PTPRK: variants seen among roughly 807,000 people sequenced by gnomAD.
The protein encoded by PTPRK is receptor-type tyrosine-protein phosphatase kappa.
PTPRK carries 75 observed loss-of-function variants against 178.0 expected under a neutral mutation model. That is an observed-to-expected ratio of 0.42 (90% CI 0.35 to 0.51). The LOEUF is 0.51. Ranked by LOEUF, PTPRK falls within the 20% of genes least tolerant of loss-of-function variation. The pLI is 0.02. For synonymous variants in PTPRK, 637 were observed against 620.6 expected (o/e 1.03, Z -0.39); for missense variants, 1,441 against 1,797.8 (o/e 0.80, Z 3.59).
At chr6:128,432,383 G>A (rs1844947844) in intron 1 of PTPRK, among the ~76,000 whole-genome samples, 1 of 152,206 alleles carries the variant, frequency 6.6e-6, no homozygotes, top group Non-Finnish European at 1.5e-5. Flanking sequence ...ATAATAGAGA[G>A]AAGTTCCTAG....
intron 1 of PTPRK, among the ~76,000 whole-genome samples, chr6:128,427,964 G>A (rs1402608939): frequency 6.6e-6 from 1 of 152,018 alleles, no homozygotes; most frequent in African/African-American, 2.4e-5. Flanking sequence ...ATGGTGGTGG[G>A]TGCCTGTGGT....
chr6:128,159,667 C>T (rs1583272152), intron 7 of PTPRK, among the ~76,000 whole-genome samples: 1 of 151,604 alleles, frequency 6.6e-6, no homozygotes, highest in Non-Finnish European at 1.5e-5. Flanking sequence ...ATTTGCAACT[C>T]TTGTATTTAA....
intron 2 of PTPRK, among the ~76,000 whole-genome samples, chr6:128,389,290 T>C (rs1322502945): frequency 6.6e-6 from 1 of 151,968 alleles, no homozygotes; most frequent in Non-Finnish European, 1.5e-5. Context: ...GATAATCTAA[T>C]ATATAATCAT....
At chr6:128,028,199 T>C (rs1774657481) in intron 13 of PTPRK, among the ~76,000 whole-genome samples, 1 of 152,096 alleles carries the variant, frequency 6.6e-6, no homozygotes, top group African/African-American at 2.4e-5. Context: ...CATGGTAAAA[T>C]AGTAACTACA....
chr6:128,226,633 A>T (rs1195062372), intron 5 of PTPRK, among the ~76,000 whole-genome samples: 1 of 151,964 alleles, frequency 6.6e-6, no homozygotes, highest in Non-Finnish European at 1.5e-5. Flanking sequence ...GCCCTCCCCA[A>T]GGGCTTGCCC....
At chr6:128,337,921 G>C (rs1048215110) in intron 2 of PTPRK, among the ~76,000 whole-genome samples, 2 of 152,170 alleles carry the variant, frequency 1.3e-5, no homozygotes, top group African/African-American at 4.8e-5. Context: ...GGACCTAGAA[G>C]AGGGCCAAGT....
intron 10 of PTPRK, among the ~76,000 whole-genome samples, chr6:128,080,583 A>G (rs1217125528): frequency 6.6e-6 from 1 of 152,058 alleles, no homozygotes; most frequent in Non-Finnish European, 1.5e-5. Context: ...AATTTAATAC[A>G]TGCACAATAT....
At chr6:128,191,457 A>G (rs980259842) in intron 6 of PTPRK, among the ~76,000 whole-genome samples, 2 of 152,060 alleles carry the variant, frequency 1.3e-5, no homozygotes, top group African/African-American at 4.8e-5. Flanking sequence ...TTCAAAGTGT[A>G]CAGAATTTGT....
intron 6 of PTPRK, among the ~76,000 whole-genome samples, chr6:128,191,805 T>C (rs1583411707): frequency 6.6e-6 from 1 of 152,196 alleles, no homozygotes; most frequent in East Asian, 1.9e-4. Flanking sequence ...TTAACAATGC[T>C]GAAAATAATA....
intron 1 of PTPRK, among the ~76,000 whole-genome samples, chr6:128,455,188 G>C (rs1228324552): frequency 2.0e-5 from 3 of 151,982 alleles, no homozygotes; most frequent in Non-Finnish European, 4.4e-5. Context: ...AATTCAAACA[G>C]GTGTTGCCCA....
chr6:128,079,812 T>C (rs188436257), intron 10 of PTPRK, among the ~76,000 whole-genome samples: 1 of 152,168 alleles, frequency 6.6e-6, no homozygotes, highest in East Asian at 1.9e-4. Context: ...CAAAAAATTA[T>C]AGCAAAATGT....
At chr6:127,980,167 G>A (rs151241424) in intron 25 of PTPRK, among the ~76,000 whole-genome samples, 2,702 of 152,240 alleles carry the variant, frequency 0.018, 24 homozygotes, top group Non-Finnish European at 0.028. Flanking sequence ...AAAATTAGCC[G>A]TGCATGGTGG....
chr6:128,464,674 T>TATATATATATATATATAA, intron 1 of PTPRK, among the ~76,000 whole-genome samples: 1 of 124,758 alleles, frequency 8.0e-6, no homozygotes, highest in Admixed American at 8.0e-5. Context: ...TATATATATA[T>TATATATATATATATATAA]ACAACAGATG....
intron 7 of PTPRK, among the ~76,000 whole-genome samples, chr6:128,164,241 A>T (rs1298250939): frequency 1.3e-5 from 2 of 151,502 alleles, no homozygotes; most frequent in East Asian, 3.9e-4. Context: ...AGATAAAGGT[A>T]ACACTGAGAC....
intron 2 of PTPRK, among the ~76,000 whole-genome samples, chr6:128,384,658 T>C (rs1031574048): frequency 9.9e-5 from 15 of 152,250 alleles, no homozygotes; most frequent in African/African-American, 3.6e-4. Flanking sequence ...AAGTTTAGAG[T>C]AACTACAAAT....
chr6:128,403,512 AAC>A (rs1841286879), intron 1 of PTPRK, among the ~76,000 whole-genome samples: 1 of 152,154 alleles, frequency 6.6e-6, no homozygotes, highest in Non-Finnish European at 1.5e-5. Context: ...TCAAAATAAT[AAC>A]AGTTATAGCA....
intron 2 of PTPRK, among the ~76,000 whole-genome samples, chr6:128,353,878 G>C (rs1833539385): frequency 6.6e-6 from 1 of 152,106 alleles, no homozygotes; most frequent in Admixed American, 6.6e-5. Flanking sequence ...TATAAAACTG[G>C]TAAATTCTGA....
At chr6:128,104,769 G>T (rs1230806772) in intron 7 of PTPRK, among the ~76,000 whole-genome samples, 1 of 152,160 alleles carries the variant, frequency 6.6e-6, no homozygotes. Flanking sequence ...ACTGACCAGG[G>T]TAATGCTCTA....
rs151114337 is a variant in PTPRK at position 128,072,071 on chromosome 6, T to G, written c.1884-4279A>C. Among the ~76,000 whole-genome samples, 390 of 152,138 alleles carry G rather than the reference T, an allele frequency of 2.6e-3. 1 individual carries two copies. The highest frequency in any genetic ancestry group is 8.8e-3 in the African/African-American group (364 of 41,570). ...AGATCTAAATATTAGGTGAGCTCAG[T>G]ACTTTAGTAATTAAAACTATTCCAA... On this transcript the variant is annotated intron_variant, in intron 11 of 29. Coordinates refer to ENST00000368226, the MANE Select transcript of PTPRK (RefSeq NM_002844.4).
Sources: allele counts gnomAD v4.1 joint callset (sites outside exome capture counted in the v4.1 genomes callset), GRCh38; gene constraint gnomAD v4.1.1; transcripts MANE v1.5; gene names NCBI Gene and HGNC (gene_info 2026-07-23, HGNC 2026-07-21).